Variants in CNTN3 observed in about 807,000 individuals in gnomAD.
The protein encoded by CNTN3 is contactin 3, also known as contactin-3.
Under a neutral mutation model 119.1 loss-of-function variants are expected in CNTN3, and 60 were observed. The observed-to-expected ratio is 0.50, with a 90% CI of 0.41 to 0.62. The LOEUF (loss-of-function observed/expected upper bound fraction) is 0.62, where lower values mean the gene tolerates loss of function less well. Among genes scored for constraint, CNTN3 ranks in the 20% least tolerant of loss-of-function variants. The probability of loss-of-function intolerance (pLI) is 0.00; values close to 1 mark genes in which losing one functional copy is unlikely to be tolerated. For synonymous variants in CNTN3, 450 were observed against 438.7 expected (o/e 1.03, Z -0.32); for missense variants, 1,101 against 1,242.4 (o/e 0.89, Z 1.71).
intron 13 of CNTN3, among the ~76,000 whole-genome samples, chr3:74,320,681 A>C (rs1439382826): frequency 1.3e-5 from 2 of 152,202 alleles, no homozygotes; most frequent in African/African-American, 4.8e-5. Flanking sequence ...CAAAAACAAC[A>C]ACAACAAAAA....
At chr3:74,459,550 T>C (rs1009608182) in intron 4 of CNTN3, among the ~76,000 whole-genome samples, 2 of 151,984 alleles carry the variant, frequency 1.3e-5, no homozygotes, top group East Asian at 1.9e-4. Flanking sequence ...CTCTGTAAAT[T>C]CTAGGGTTCA....
chr3:74,298,251 C>T (rs116387671), intron 17 of CNTN3, 60 bp from the exon 18 acceptor site: 6 of 1,003,362 alleles, frequency 6.0e-6, no homozygotes, highest in Non-Finnish European at 8.8e-6. Context: ...AAAATGAATG[C>T]AGCTGTAATC....
At chr3:74,434,899 C>A (rs1003138552) in intron 4 of CNTN3, among the ~76,000 whole-genome samples, 18 of 152,256 alleles carry the variant, frequency 1.2e-4, no homozygotes, top group African/African-American at 4.1e-4. Context: ...TCATTTTCTG[C>A]ATGCATTTCA....
intron 4 of CNTN3, among the ~76,000 whole-genome samples, chr3:74,452,763 A>G (rs1434708684): frequency 2.7e-5 from 4 of 150,360 alleles, no homozygotes; most frequent in East Asian, 3.9e-4. Flanking sequence ...TTCTGCATCT[A>G]TTGAGATAAT....
chr3:74,555,343 A>G (rs1433592294), intron 1 of CNTN3, among the ~76,000 whole-genome samples: 3 of 152,194 alleles, frequency 2.0e-5, no homozygotes, highest in Admixed American at 6.5e-5. Flanking sequence ...TTTTGCATCA[A>G]TGATCATCAG....
intron 4 of CNTN3, among the ~76,000 whole-genome samples, chr3:74,453,048 T>A (rs148121027): frequency 0.79 from 119,075 of 150,832 alleles, 47,332 homozygotes; most frequent in African/African-American, 0.86. Context: ...GTTAGGGAGG[T>A]TTCCCTCTTT....
chr3:74,465,669 G>T (rs1702448516), intron 4 of CNTN3, among the ~76,000 whole-genome samples: 1 of 152,118 alleles, frequency 6.6e-6, no homozygotes, highest in Non-Finnish European at 1.5e-5. Context: ...TGCTTTTACA[G>T]CATCCACCCC....
chr3:74,585,650 G>T (rs983606149), intron 1 of CNTN3, among the ~76,000 whole-genome samples: 1 of 152,104 alleles, frequency 6.6e-6, no homozygotes, highest in African/African-American at 2.4e-5. Flanking sequence ...TCACTAAATA[G>T]TAAGTATATA....
intron 5 of CNTN3, among the ~76,000 whole-genome samples, chr3:74,375,881 A>G (rs1040060417): frequency 1.3e-5 from 2 of 152,182 alleles, no homozygotes; most frequent in African/African-American, 4.8e-5. Flanking sequence ...TTGTTTCAAG[A>G]GCAATAGGGA....
chr3:74,546,065 G>A (rs954212579), intron 1 of CNTN3, among the ~76,000 whole-genome samples: 4 of 151,628 alleles, frequency 2.6e-5, no homozygotes, highest in Admixed American at 2.0e-4. Context: ...GCGCGATCTC[G>A]GCTCACTGCA....
chr3:74,451,052 T>A (rs565116831), intron 4 of CNTN3, among the ~76,000 whole-genome samples: 1 of 152,126 alleles, frequency 6.6e-6, no homozygotes. Flanking sequence ...CTGGGTCAAA[T>A]GGTATTTCTA....
rs561426608 is a variant in CNTN3, at chr3:74,598,825, TGCTGGGCACAGGTGACCAG to T, written c.-81+15547_-81+15565del. 5.3e-4 allele frequency among the ~76,000 whole-genome samples: 80 copies of T among 152,172 alleles called. No individual in the cohort carries two copies. The Middle Eastern group carries it at 0.01, about 19-fold the overall frequency. On this transcript the variant is annotated intron_variant, in intron 1 of 22. Coordinates refer to ENST00000263665, the MANE Select transcript of CNTN3 (RefSeq NM_020872.3). ...AATGTCTAGTAAGATCCAGGTAGTG[TGCTGGGCACAGGTGACCAG>T]CATTCAGAGAAATTTCGCAGTTTAG...
chr3:74,377,916 G>A (rs1477766787), intron 5 of CNTN3, among the ~76,000 whole-genome samples: 1 of 152,082 alleles, frequency 6.6e-6, no homozygotes, highest in Admixed American at 6.6e-5. Flanking sequence ...GTTTTTATCT[G>A]TAGTTCCATT....
intron 20 of CNTN3, among the ~76,000 whole-genome samples, chr3:74,270,621 T>C (rs1701754843): frequency 6.6e-6 from 1 of 152,186 alleles, no homozygotes; most frequent in African/African-American, 2.4e-5. Context: ...TGTAAAAGTA[T>C]GGAGTCAAGT....
chr3:74,563,227 C>A (rs1704178813), intron 1 of CNTN3, among the ~76,000 whole-genome samples: 1 of 152,088 alleles, frequency 6.6e-6, no homozygotes, highest in Non-Finnish European at 1.5e-5. Flanking sequence ...TCTCATTTCT[C>A]CTCTTCAGAA....
chr3:74,374,666 A>C (rs190650510), intron 5 of CNTN3, among the ~76,000 whole-genome samples: 1 of 152,274 alleles, frequency 6.6e-6, no homozygotes, highest in Admixed American at 6.5e-5. Context: ...AGGAAGAAGA[A>C]AAAATTCACC....
In CNTN3 at chr3:74,476,404, C is replaced by A. The variant is rs570899136; in HGVS notation, c.358+10052G>T. Among the ~76,000 whole-genome samples the A allele has an allele frequency of 3.9e-5, 6 of 152,240 alleles. No individual in the cohort carries two copies. The East Asian group carries it at 1.2e-3, about 30-fold the overall frequency. On this transcript the variant is annotated intron_variant, in intron 4 of 22. Transcript: ENST00000263665. ...AGACAGTTCTCACTTTGGTATAGCC[C>A]TGAGGTTCCTGGCAGCAGCAATAAC...
intron 3 of CNTN3, among the ~76,000 whole-genome samples, chr3:74,490,287 C>G (rs918382175): frequency 1.3e-5 from 2 of 152,144 alleles, no homozygotes; most frequent in South Asian, 4.1e-4. Context: ...AGAAAAGATG[C>G]AGTTAAGTTC....
intron 2 of CNTN3, among the ~76,000 whole-genome samples, chr3:74,512,712 A>AAG (rs1553675813): frequency 9.6e-5 from 14 of 145,930 alleles, no homozygotes; most frequent in Non-Finnish European, 1.7e-4. Flanking sequence ...AAAAAAAAAA[A>AAG]AAAGAAAGAA....
Sources: gnomAD v4.1 joint callset for allele counts (sites outside exome capture counted in the v4.1 genomes callset) on GRCh38, gnomAD v4.1.1 for gene constraint, MANE v1.5 for transcripts, NCBI Gene and HGNC (gene_info 2026-07-23, HGNC 2026-07-21) for gene names.